EDNRB: variants seen among roughly 807,000 people sequenced by gnomAD.
EDNRB encodes endothelin receptor type B.
Under a neutral mutation model 46.4 loss-of-function variants are expected in EDNRB, and 18 were observed. The observed-to-expected ratio is 0.39, with a 90% CI of 0.27 to 0.57. The LOEUF (loss-of-function observed/expected upper bound fraction) is 0.57, where lower values mean the gene tolerates loss of function less well. Ranked by LOEUF, EDNRB falls within the 20% of genes least tolerant of loss-of-function variation. EDNRB has a pLI of 0.61. For synonymous variants in EDNRB, 213 were observed against 204.9 expected (o/e 1.04, Z -0.34); for missense variants, 434 against 537.5 (o/e 0.81, Z 1.90).
At chr13:77,917,934 C>A (rs1879889905) in intron 1 of EDNRB, among the ~76,000 whole-genome samples, 157 bp downstream of exon 1, 3 of 152,060 alleles carry the variant, frequency 2.0e-5, no homozygotes, top group Admixed American at 2.0e-4. Flanking sequence ...TGGACAGAAC[C>A]AAATGGAATT....
chr13:77,944,459 T>C (rs1034769968), intron 1 of EDNRB, among the ~76,000 whole-genome samples: 1 of 144,380 alleles, frequency 6.9e-6, no homozygotes, highest in Non-Finnish European at 1.5e-5. Context: ...ATGCATTATA[T>C]TTACAAGTTT....
At chr13:77,955,893 C>CTATCTATT (rs1177147226) in intron 1 of EDNRB, among the ~76,000 whole-genome samples, 1 of 144,638 alleles carries the variant, frequency 6.9e-6, no homozygotes, top group South Asian at 2.3e-4. Flanking sequence ...ATCTATCTAT[C>CTATCTATT]TATTTTTATG....
intron 4 of EDNRB, 87 bp from the exon 5 acceptor site, chr13:77,900,741 T>C: frequency 1.3e-6 from 2 of 1,575,784 alleles, no homozygotes; most frequent in Non-Finnish European, 1.7e-6. Flanking sequence ...TAATATTGTC[T>C]ACAAAAAGTC....
Position 77,918,711 on chromosome 13 carries a change from T to C in EDNRB, c.-138A>G, listed in dbSNP as rs2137640841. 5 of 1,354,064 alleles carry C rather than the reference T, an allele frequency of 3.7e-6. No homozygotes were observed. The South Asian group carries it at 8.2e-5, about 22-fold the overall frequency. The allele number at this position is 1,354,064 out of a possible 1,614,324, so 83.9% of individuals were successfully genotyped here. The stretch of plus-strand genomic sequence containing the variant: ...GCAAACGCTAATACCGCCCGCAGCC[T>C]CTTCGCCAGTATCCACGCTCAAAAG... On this transcript the variant is annotated 5_prime_UTR_variant, in exon 1 of 7. Coordinates refer to ENST00000646607, the MANE Select transcript of EDNRB (RefSeq NM_001122659.3). The surrounding 1 kb of genome is among the most constrained non-coding windows in gnomAD (Gnocchi z 4.5).
intron 1 of EDNRB, among the ~76,000 whole-genome samples, chr13:77,959,394 G>A (rs949945625): frequency 6.6e-6 from 1 of 152,218 alleles, no homozygotes; most frequent in Non-Finnish European, 1.5e-5. Flanking sequence ...AATATTCGCT[G>A]TTCTGCAGCC....
intron 1 of EDNRB, among the ~76,000 whole-genome samples, chr13:77,928,638 GA>G: frequency 6.6e-6 from 1 of 152,102 alleles, no homozygotes. Flanking sequence ...GAATTTGCCA[GA>G]AAAATACAAC....
chr13:77,957,487 G>A (rs1881274575), intron 1 of EDNRB, among the ~76,000 whole-genome samples: 1 of 152,178 alleles, frequency 6.6e-6, no homozygotes, highest in African/African-American at 2.4e-5. Context: ...AGGCATCACA[G>A]TTCTATGAAG....
chr13:77,973,443 CAAGAAA>C (rs201193916), intron 1 of EDNRB, among the ~76,000 whole-genome samples: 2,172 of 152,166 alleles, frequency 0.014, 45 homozygotes, highest in East Asian at 0.024. Context: ...GTTGGTACTT[CAAGAAA>C]AACCTGTTAT....
chr13:77,941,433 C>T (rs1031464134), intron 1 of EDNRB, among the ~76,000 whole-genome samples: 1 of 152,172 alleles, frequency 6.6e-6, no homozygotes, highest in Admixed American at 6.5e-5. Flanking sequence ...CACAAGGAGC[C>T]ACAGTTACTT....
chr13:77,967,299 TGCAGCC>T (rs1201296732), intron 1 of EDNRB, among the ~76,000 whole-genome samples: 6 of 152,178 alleles, frequency 3.9e-5, no homozygotes, highest in Non-Finnish European at 8.8e-5. Context: ...AAACATCTTT[TGCAGCC>T]AGGAGTGCCA....
upstream of EDNRB, chr13:77,919,430 G>A (rs1163238601): frequency 1.2e-6 from 2 of 1,612,620 alleles, no homozygotes; most frequent in Non-Finnish European, 1.7e-6. Flanking sequence ...GCAGAGCGAC[G>A]AATGGAGACC....
chr13:77,912,023 T>C (rs1040699678), intron 1 of EDNRB, among the ~76,000 whole-genome samples: 5 of 152,100 alleles, frequency 3.3e-5, no homozygotes, highest in African/African-American at 1.2e-4. Context: ...TAATCAACTA[T>C]AGCATATTAG....
rs146432525 is a variant in EDNRB at position 77,959,001 on chromosome 13, T to C, written c.-52+16346A>G. Among the ~76,000 whole-genome samples, 603 of 152,278 alleles carry C rather than the reference T, an allele frequency of 4.0e-3. 2 individuals carry two copies. Among genetic ancestry groups the C allele is most frequent in the African/African-American group, 0.013 (523 of 41,558 alleles). On this transcript the variant is annotated intron_variant, in intron 1 of 7. Coordinates refer to the EDNRB transcript ENST00000646948. Reference sequence around the variant, plus strand: ...GGTGGTGTTGTTGGGAGAGAAGGGATTGTGGAGATGACAAGGAGGGGTGAA... The same window carrying C: ...GGTGGTGTTGTTGGGAGAGAAGGGACTGTGGAGATGACAAGGAGGGGTGAA...
intron 1 of EDNRB, among the ~76,000 whole-genome samples, chr13:77,945,733 C>T (rs1476635920): frequency 1.3e-5 from 2 of 152,100 alleles, no homozygotes; most frequent in Non-Finnish European, 2.9e-5. Flanking sequence ...CTGGCACCTA[C>T]AGCTATAGCA....
At chr13:77,949,767 A>T (rs897350160) in intron 1 of EDNRB, among the ~76,000 whole-genome samples, 1 of 152,172 alleles carries the variant, frequency 6.6e-6, no homozygotes, top group Non-Finnish European at 1.5e-5. Flanking sequence ...AGAGCACAGG[A>T]TCTGTGAGTA....
Position 77,897,159 on chromosome 13 carries a change from C to G in EDNRB, c.*1041G>C, listed in dbSNP as rs1878673073. Reference sequence around the variant, plus strand: ...CATGTGGACACTGCACCAGGCAGTTCACAGTCTTTATTATGAGGTCACTGG... The same window carrying G: ...CATGTGGACACTGCACCAGGCAGTTGACAGTCTTTATTATGAGGTCACTGG... On this transcript the variant is annotated 3_prime_UTR_variant, in exon 7 of 7. Transcript: ENST00000646607. The G allele has an allele frequency of 1.0e-6, 1 of 985,436 alleles. No individual in the cohort carries two copies. 61.0% of individuals were successfully genotyped at this position (985,436 alleles called of 1,614,324 possible).
At chr13:77,932,332 A>G (rs1185682344) in intron 1 of EDNRB, among the ~76,000 whole-genome samples, 4 of 152,222 alleles carry the variant, frequency 2.6e-5, no homozygotes, top group Non-Finnish European at 5.9e-5. Context: ...GGACATGTTG[A>G]AAAGATATGG....
intron 1 of EDNRB, among the ~76,000 whole-genome samples, chr13:77,914,048 C>T (rs1879699332): frequency 6.6e-6 from 1 of 152,188 alleles, no homozygotes; most frequent in Admixed American, 6.5e-5. Context: ...TATGCATTTA[C>T]ATCCATATTG....
intron 1 of EDNRB, among the ~76,000 whole-genome samples, chr13:77,958,346 T>G (rs1381833470): frequency 1.3e-3 from 14 of 11,142 alleles, no homozygotes; most frequent in Admixed American, 3.7e-3. Flanking sequence ...CCAGGTTATT[T>G]TATTTATTTA....
Sources: gnomAD v4.1 joint callset for allele counts (sites outside exome capture counted in the v4.1 genomes callset) on GRCh38, gnomAD v4.1.1 for gene constraint, Gnocchi (gnomAD v3.1) non-coding constraint, MANE v1.5 for transcripts, NCBI Gene and HGNC (gene_info 2026-07-23, HGNC 2026-07-21) for gene names.